The following DCC variants were observed in gnomAD, a reference collection of about 807,000 sequenced individuals.
DCC encodes netrin receptor DCC.
Under a neutral mutation model 172.5 loss-of-function variants are expected in DCC, and 58 were observed. The observed-to-expected ratio is 0.34, with a 90% CI of 0.27 to 0.42. The LOEUF (loss-of-function observed/expected upper bound fraction) is 0.42, where lower values mean the gene tolerates loss of function less well. DCC is among the 10% of genes least tolerant of loss of function. The probability of loss-of-function intolerance (pLI) is 1.00; values close to 1 mark genes in which losing one functional copy is unlikely to be tolerated. For synonymous variants in DCC, 709 were observed against 644.5 expected (o/e 1.10, Z -1.52); for missense variants, 1,740 against 1,791.0 (o/e 0.97, Z 0.51).
chr18:52,961,102 A>G (rs2040834940), intron 5 of DCC, among the ~76,000 whole-genome samples: 1 of 152,050 alleles, frequency 6.6e-6, no homozygotes, highest in Admixed American at 6.6e-5. Context: ...TATGCTAAGA[A>G]GTTATTTCTA....
At chr18:52,400,736 C>T (rs1004825923) in intron 1 of DCC, among the ~76,000 whole-genome samples, 4 of 152,084 alleles carry the variant, frequency 2.6e-5, no homozygotes, top group Non-Finnish European at 4.4e-5. Context: ...AAATGTGGCA[C>T]ATATACACCA....
At chr18:53,260,072 C>T (rs547797474) in intron 12 of DCC, among the ~76,000 whole-genome samples, 312 of 152,212 alleles carry the variant, frequency 2.0e-3, no homozygotes, top group African/African-American at 7.2e-3. Context: ...TTAAGGACTT[C>T]CCTGCATTGG....
chr18:52,779,035 T>G (rs2037484927), intron 2 of DCC, among the ~76,000 whole-genome samples: 2 of 152,126 alleles, frequency 1.3e-5, no homozygotes, highest in African/African-American at 4.8e-5. Context: ...TCTATATGCC[T>G]AGCATAAATC....
Position 52,906,251 on chromosome 18 carries a change from T to C in DCC, c.620T>C (p.Ile207Thr), listed in dbSNP as rs770732097. ...LQISRLQPGD[I>T]GIYRCSARNP... ...ATCAGCCGACTCCAACCGGGGGACA[T>C]TGGAATTTACCGATGCTCAGCTCGA... The change falls in exon 3 of 29, where the codon ATT (isoleucine) becomes ACT (threonine). Residue 207 changes from isoleucine to threonine, a missense_variant. Physicochemically the swap from Ile to Thr is moderately conservative, Grantham distance 89. This residue lies in a region of DCC where 1,732 missense variants were observed against 1,767.4 expected (regional missense o/e 0.98). Coordinates refer to ENST00000442544, the MANE Select transcript of DCC (RefSeq NM_005215.4). The C allele has an allele frequency of 8.1e-6, 13 of 1,613,952 alleles. No individual in the cohort carries two copies. Among genetic ancestry groups the C allele is most frequent in the Middle Eastern group, 1.6e-4 (1 of 6,082 alleles).
At chr18:52,765,974 C>T (rs1205480950) in intron 2 of DCC, among the ~76,000 whole-genome samples, 1 of 152,166 alleles carries the variant, frequency 6.6e-6, no homozygotes, top group Non-Finnish European at 1.5e-5. Flanking sequence ...TGAAGCAGGA[C>T]GTTTCCCTGA....
intron 5 of DCC, among the ~76,000 whole-genome samples, chr18:52,933,762 T>G (rs937215448): frequency 6.6e-6 from 1 of 152,126 alleles, no homozygotes; most frequent in Admixed American, 6.6e-5. Flanking sequence ...GAGCTACAAG[T>G]GCAGTTTTGT....
At chr18:53,437,668 C>T (rs1458798120) in intron 22 of DCC, among the ~76,000 whole-genome samples, 1 of 150,084 alleles carries the variant, frequency 6.7e-6, no homozygotes, top group Non-Finnish European at 1.5e-5. Context: ...CCAGGCCATG[C>T]TCCATAAAAT....
chr18:52,467,715 T>A (rs2144553457), intron 1 of DCC, among the ~76,000 whole-genome samples: 1 of 152,314 alleles, frequency 6.6e-6, no homozygotes, highest in Admixed American at 6.5e-5. Context: ...ATCTGTTGTT[T>A]ACTAACTTTT....
At chr18:53,278,144 G>T (rs1488245651) in intron 12 of DCC, among the ~76,000 whole-genome samples, 1 of 151,986 alleles carries the variant, frequency 6.6e-6, no homozygotes, top group African/African-American at 2.4e-5. Context: ...AACTAAAATT[G>T]AACAGTATAA....
intron 1 of DCC, among the ~76,000 whole-genome samples, chr18:52,482,309 C>T (rs372180412): frequency 6.6e-6 from 1 of 152,116 alleles, no homozygotes; most frequent in African/African-American, 2.4e-5. Flanking sequence ...ACCTAAGTAC[C>T]TCACCCCAAA....
intron 7 of DCC, among the ~76,000 whole-genome samples, chr18:53,126,391 C>T (rs765436242): frequency 9.2e-5 from 14 of 152,078 alleles, no homozygotes; most frequent in Non-Finnish European, 1.3e-4. Context: ...GATGATGCAA[C>T]CTTTGCAAGC....
At chr18:53,231,012 T>C (rs16956392) in intron 12 of DCC, among the ~76,000 whole-genome samples, 23,956 of 151,910 alleles carry the variant, frequency 0.16, 3,358 homozygotes, top group African/African-American at 0.38. Context: ...GAGACTATTT[T>C]CCAGGAATGT....
chr18:52,470,088 G>A (rs930679414), intron 1 of DCC, among the ~76,000 whole-genome samples: 2 of 152,222 alleles, frequency 1.3e-5, no homozygotes, highest in African/African-American at 4.8e-5. Flanking sequence ...GTATTTGATT[G>A]TGAAGAAACA....
chr18:53,318,988 C>T (rs544865286), intron 13 of DCC, among the ~76,000 whole-genome samples: 130 of 152,124 alleles, frequency 8.5e-4, no homozygotes, highest in African/African-American at 2.6e-3. Context: ...ATTGGCAACC[C>T]AGAATTTCAT....
At chr18:53,282,090 C>G (rs2056879403) in intron 12 of DCC, among the ~76,000 whole-genome samples, 1 of 152,116 alleles carries the variant, frequency 6.6e-6, no homozygotes, top group Admixed American at 6.6e-5. Context: ...CTACAACGTA[C>G]TTCACATTGA....
chr18:52,959,067 A>G (rs1233750643), intron 5 of DCC, among the ~76,000 whole-genome samples: 3 of 152,122 alleles, frequency 2.0e-5, no homozygotes, highest in Non-Finnish European at 4.4e-5. Flanking sequence ...GGCCCAGGGA[A>G]GCCAAAGGAC....
At chr18:53,332,247 C>A (rs2057536812) in intron 14 of DCC, among the ~76,000 whole-genome samples, 1 of 152,032 alleles carries the variant, frequency 6.6e-6, no homozygotes, top group African/African-American at 2.4e-5. Flanking sequence ...CTTCTACATT[C>A]TTTTTCTATC....
intron 1 of DCC, among the ~76,000 whole-genome samples, chr18:52,492,715 C>T (rs1178355847): frequency 6.6e-6 from 1 of 152,038 alleles, no homozygotes; most frequent in Admixed American, 6.6e-5. Context: ...AGCTGTGTTG[C>T]CCCGCAGTGT....
chr18:52,957,561 CAT>C (rs2040766148), intron 5 of DCC, among the ~76,000 whole-genome samples: 1 of 152,018 alleles, frequency 6.6e-6, no homozygotes, highest in Non-Finnish European at 1.5e-5. Flanking sequence ...ATTTTATAGA[CAT>C]ATTTTCTTTT....
Sources: gnomAD v4.1 joint callset for allele counts (sites outside exome capture counted in the v4.1 genomes callset) on GRCh38, gnomAD v4.1.1 for gene constraint, gnomAD v4.1.1 regional missense constraint, MANE v1.5 for transcripts, NCBI Gene and HGNC (gene_info 2026-07-23, HGNC 2026-07-21) for gene names.